DNTTIP2: variants seen among roughly 807,000 people sequenced by gnomAD.
The protein encoded by DNTTIP2 is deoxynucleotidyltransferase terminal-interacting protein 2.
Under a neutral mutation model 62.4 loss-of-function variants are expected in DNTTIP2, and 47 were observed. That is an observed-to-expected ratio of 0.75 (90% CI 0.60 to 0.96). The LOEUF (loss-of-function observed/expected upper bound fraction) is 0.96, where lower values mean the gene tolerates loss of function less well. Among genes scored for constraint, DNTTIP2 ranks in the 40% least tolerant of loss-of-function variants. The pLI, the probability that DNTTIP2 is intolerant of heterozygous loss-of-function variation, is 0.00. For synonymous variants in DNTTIP2, 322 were observed against 300.9 expected (o/e 1.07, Z -0.73); for missense variants, 870 against 849.1 (o/e 1.02, Z -0.31).
rs1441094510 is a variant in DNTTIP2, at chr1:93,876,731, C to G, written c.1204G>C (p.Glu402Gln). The G allele has an allele frequency of 6.2e-7, 1 of 1,613,970 alleles. No individual in the cohort carries two copies. The highest frequency in any genetic ancestry group is 8.5e-7 in the Non-Finnish European group (1 of 1,179,862). The change falls in exon 2 of 7, where the codon GAG (glutamate) becomes CAG (glutamine). Residue 402 changes from glutamate to glutamine, a missense_variant. Glu to Gln is a conservative substitution (Grantham distance 29). Coordinates refer to ENST00000436063, the MANE Select transcript of DNTTIP2 (RefSeq NM_014597.5). ...TCACTGACACTTATAACTGTGGACTCTTCTTCATCATCACTACCACCACAA... is the reference window on the plus strand; with the variant it reads ...TCACTGACACTTATAACTGTGGACTGTTCTTCATCATCACTACCACCACAA... ...GDCGGSDDEE[E>Q]STVISVSEDM...
At chr1:93,873,980 T>A (rs1655935574) in intron 3 of DNTTIP2, among the ~76,000 whole-genome samples, 2 of 152,206 alleles carry the variant, frequency 1.3e-5, no homozygotes, top group Non-Finnish European at 2.9e-5. Flanking sequence ...GTACAAGCAT[T>A]AATTTGGGAC....
At chr1:93,878,984 G>A (rs1656085568) in intron 1 of DNTTIP2, 93 bp downstream of exon 1, 5 of 1,499,528 alleles carry the variant, frequency 3.3e-6, no homozygotes, top group Non-Finnish European at 2.7e-6. Context: ...TCTGTCGGCA[G>A]GTCCTCACCC....
In DNTTIP2 at chr1:93,869,937, G is replaced by T; in HGVS notation, c.2185C>A (p.Arg729=). ...LADSEFRRYN[R]RKYSEIMAEK... Reference sequence around the variant, plus strand: ...GCCATGATCTCTGAGTACTTCCTTCGGTTGTATCTGAAAAAGAAAAATCAG... The same window carrying T: ...GCCATGATCTCTGAGTACTTCCTTCTGTTGTATCTGAAAAAGAAAAATCAG... Residue 729 remains arginine (R), a synonymous_variant, in exon 7 of 7, where the codon CGA becomes AGA. Coordinates refer to ENST00000436063, the MANE Select transcript of DNTTIP2 (RefSeq NM_014597.5). 1 of 777,568 alleles carries T rather than the reference G, an allele frequency of 1.3e-6. No individual in the cohort carries two copies. Among genetic ancestry groups the T allele is most frequent in the Non-Finnish European group, 2.4e-6 (1 of 416,734 alleles). The allele number at this position is 777,568 out of a possible 1,614,324, so 48.2% of individuals were successfully genotyped here.
intron 6 of DNTTIP2, among the ~76,000 whole-genome samples, 183 bp from the exon 7 acceptor site, chr1:93,870,127 T>C (rs543452690): frequency 2.6e-5 from 4 of 152,280 alleles, no homozygotes; most frequent in Admixed American, 2.0e-4. Flanking sequence ...TCCTACTATA[T>C]GCACTATATC....
chr1:93,879,188 C>T lies in DNTTIP2; in HGVS notation c.-40G>A, dbSNP rs796301205. 1 of 1,603,446 alleles carries T rather than the reference C, an allele frequency of 6.2e-7. No individual in the cohort carries two copies. On this transcript the variant is annotated 5_prime_UTR_variant, in exon 1 of 7. Transcript: ENST00000436063. ...CGCGACCACCACGACTTCCCTCTTC[C>T]CTGGCGCTCCGGAAATGCGTCAGAG...
In DNTTIP2 at chr1:93,870,366, T is replaced by A. The variant is rs559518137; in HGVS notation, c.2177+317A>T. Among the ~76,000 whole-genome samples, 6 of 152,236 alleles carry A rather than the reference T, an allele frequency of 3.9e-5. No individual in the cohort carries two copies. In the South Asian group the frequency reaches 1.2e-3, roughly 32 times the overall value. Reference sequence around the variant, plus strand: ...TGTGGAGTAGACCCTTTCAAGGGATTCATTAGGTAAAAACTATTTTCTCAA... The same window carrying A: ...TGTGGAGTAGACCCTTTCAAGGGATACATTAGGTAAAAACTATTTTCTCAA... On this transcript the variant is annotated intron_variant, in intron 6 of 6. Transcript: ENST00000436063.
In DNTTIP2 at chr1:93,872,144, C is replaced by T. The variant is rs778437106; in HGVS notation, c.1995G>A (p.Lys665=). ...NELKNDLKAL[K]MRASMDPKRF... Reference sequence around the variant, plus strand: ...TTTTCGGGTCCATGCTGGCTCTCATCTTCAGTGCTTTGAGATCATTTTTCA... The same window carrying T: ...TTTTCGGGTCCATGCTGGCTCTCATTTTCAGTGCTTTGAGATCATTTTTCA... Residue 665 remains lysine, a synonymous_variant, in exon 5 of 7, where the codon AAG becomes AAA. Coordinates refer to ENST00000436063, the MANE Select transcript of DNTTIP2 (RefSeq NM_014597.5). 6.2e-7 allele frequency: 1 copy of T among 1,613,876 alleles called. No individual in the cohort carries two copies. The highest frequency in any genetic ancestry group is 1.3e-5 in the African/African-American group (1 of 75,034).
rs772296753 is a variant in DNTTIP2, at chr1:93,873,228, A to C, written c.1807-14T>G. 6.3e-7 allele frequency: 1 copy of C among 1,578,858 alleles called. No homozygotes were observed. The highest frequency in any genetic ancestry group is 1.1e-5 in the South Asian group (1 of 89,210). ...TTTCTGCAGAAGCTATAAAAACATA[A>C]AATTGGTTTTAAAATAATGTCAGAA... On this transcript the variant is annotated splice_polypyrimidine_tract_variant and intron_variant, in intron 3 of 6. Transcript: ENST00000436063.
At position 93,870,812 on chromosome 1, in the gene DNTTIP2, AT is replaced by A; in HGVS notation, c.2068-21del. Reference sequence around the variant, plus strand: ...TCCAATCTGTGAACAATTGATTGAAATAAGTCATGCATTGAGTGCCAAGATG... The same window carrying A: ...TCCAATCTGTGAACAATTGATTGAAAAAGTCATGCATTGAGTGCCAAGATG... On this transcript the variant is annotated intron_variant, in intron 5 of 6. Coordinates refer to ENST00000436063, the MANE Select transcript of DNTTIP2 (RefSeq NM_014597.5). 7.1e-7 allele frequency: 1 copy of A among 1,411,616 alleles called. No homozygotes were observed. 87.4% of individuals were successfully genotyped at this position (1,411,616 alleles called of 1,614,324 possible).
chr1:93,873,098 T>C (rs569771126), intron 4 of DNTTIP2, 21 bp downstream of exon 4: 2 of 1,529,078 alleles, frequency 1.3e-6, no homozygotes, highest in African/African-American at 1.4e-5. Context: ...CTAAGCATTT[T>C]AATTAAGTCA....
chr1:93,874,571 C>T (rs1655950235), intron 3 of DNTTIP2, among the ~76,000 whole-genome samples: 1 of 152,070 alleles, frequency 6.6e-6, no homozygotes. Context: ...TCTTCAGTGG[C>T]AAGAATAGAG....
Position 93,876,789 on chromosome 1 carries a change from G to A in DNTTIP2, c.1146C>T (p.Pro382=). ...ACTTTGTCAAGTCACTTGCTTTTAT[G>A]GGGCTCTTTTTGTTGTTATTCCATC... ...VGRWNNNKKS[P]IKASDLTKFG... is the part of the protein sequence containing the mutation. Residue 382 remains proline (P), a synonymous_variant, in exon 2 of 7, where the codon CCC becomes CCT. Transcript: ENST00000436063. 1 of 1,613,816 alleles carries A rather than the reference G, an allele frequency of 6.2e-7. No homozygotes were observed. The highest frequency in any genetic ancestry group is 1.1e-5 in the South Asian group (1 of 91,064).
rs1656028896 is a variant in DNTTIP2 at position 93,877,025 on chromosome 1, T to C, written c.910A>G (p.Asn304Asp). ...TCTTTCCCCTCATCTGTTATTCCATTGGCATCTTCATCCAAATCCTTACAA... is the reference window on the plus strand; with the variant it reads ...TCTTTCCCCTCATCTGTTATTCCATCGGCATCTTCATCCAAATCCTTACAA... ...QNCKDLDEDA[N>D]GITDEGKEIN... The change falls in exon 2 of 7, where the codon AAT (asparagine) becomes GAT (aspartate). Residue 304 changes from asparagine (N) to aspartate (D), a missense_variant. Asn to Asp is a conservative substitution (Grantham distance 23). Transcript: ENST00000436063. The C allele has an allele frequency of 1.2e-6, 2 of 1,612,592 alleles. No individual in the cohort carries two copies. Among genetic ancestry groups the C allele is most frequent in the South Asian group, 1.1e-5 (1 of 91,078 alleles).
rs1318467880 is a variant in DNTTIP2 at position 93,876,592 on chromosome 1, T to C, written c.1343A>G (p.Asp448Gly). ...DNSVLLVLSSDESQQSENSEN... is the reference protein window; with the variant it reads ...DNSVLLVLSSGESQQSENSEN... The stretch of plus-strand genomic sequence containing the variant: ...ACTGTTTTCAGACTGTTGGCTTTCA[T>C]CACTGCTGAGAACTAGTAAGACAGA... Residue 448 changes from aspartate (D) to glycine (G), a missense_variant, in exon 2 of 7, where the codon GAT becomes GGT. By Grantham distance (94) the Asp-to-Gly change is moderately conservative. Transcript: ENST00000436063. 1.2e-6 allele frequency: 2 copies of C among 1,613,930 alleles called. No homozygotes were observed. Among genetic ancestry groups the C allele is most frequent in the Non-Finnish European group, 1.7e-6 (2 of 1,179,896 alleles).
rs1341432432 is a variant in DNTTIP2 at position 93,868,250 on chromosome 1, C to G, written c.*1601G>C. The G allele has an allele frequency of 6.6e-6, 1 of 152,178 alleles. No homozygotes were observed. Among genetic ancestry groups the G allele is most frequent in the Non-Finnish European group, 1.5e-5 (1 of 68,034 alleles). The allele number at this position is 152,178 out of a possible 1,614,324, so 9.4% of individuals were successfully genotyped here. A position where few individuals can be genotyped will look rare whatever the true frequency, so the allele number is the denominator to read the frequency against. ...CAGCCAACAAACATGAAAAAACGCT[C>G]ATTATCACTGCTCATTAGAGAAATG... On this transcript the variant is annotated 3_prime_UTR_variant, in exon 7 of 7. Coordinates refer to ENST00000436063, the MANE Select transcript of DNTTIP2 (RefSeq NM_014597.5).
chr1:93,878,961 A>G, intron 1 of DNTTIP2, 116 bp downstream of exon 1: 1 of 1,360,976 alleles, frequency 7.3e-7, no homozygotes. Flanking sequence ...GCGCGCGGCA[A>G]GCTCGGGTCC....
chr1:93,872,718 G>C lies in DNTTIP2; in HGVS notation c.1902+401C>G, dbSNP rs777812711. 2.0e-5 allele frequency among the ~76,000 whole-genome samples: 3 copies of C among 152,084 alleles called. 1 individual carries two copies. The highest frequency in any genetic ancestry group is 4.8e-5 in the African/African-American group (2 of 41,402). ...ACTATTCTTTAGAAAACTCCTACAA[G>C]TTATTTAATTTTGTTTCATTCATAC... On this transcript the variant is annotated intron_variant, in intron 4 of 6. Coordinates refer to ENST00000436063, the MANE Select transcript of DNTTIP2 (RefSeq NM_014597.5).
chr1:93,872,555 T>C (rs564660946), intron 4 of DNTTIP2, among the ~76,000 whole-genome samples: 1 of 152,324 alleles, frequency 6.6e-6, no homozygotes, highest in African/African-American at 2.4e-5. Context: ...ACAGACTATA[T>C]GCAGTAAGAA....
rs1439385036 is a variant in DNTTIP2, at chr1:93,875,693, C to A, written c.1758G>T (p.Gln586His). 1.2e-6 allele frequency: 2 copies of A among 1,613,296 alleles called. No individual in the cohort carries two copies. Among genetic ancestry groups the A allele is most frequent in the Admixed American group, 1.7e-5 (1 of 59,974 alleles). ...TCTGTGTTAGGGTTCTCTTGTTAGA[C>A]TGTAGTTTATCTGCATTAAAATTAA... The part of the protein sequence containing the change: ...LYINFNADKL[Q>H]SNKRTLTQIK... The change falls in exon 3 of 7, where the codon CAG becomes CAT. Residue 586 changes from glutamine (Q) to histidine (H), a missense_variant. Gln to His is a conservative substitution (Grantham distance 24). Coordinates refer to ENST00000436063, the MANE Select transcript of DNTTIP2 (RefSeq NM_014597.5).
Sources: gnomAD v4.1 joint callset for allele counts (sites outside exome capture counted in the v4.1 genomes callset) on GRCh38, gnomAD v4.1.1 for gene constraint, MANE v1.5 for transcripts, NCBI Gene and HGNC (gene_info 2026-07-23, HGNC 2026-07-21) for gene names.